The following MYH7B variants were observed in gnomAD, a reference collection of about 807,000 sequenced individuals.
MYH7B encodes myosin heavy chain 7B.
Under a neutral mutation model 234.5 loss-of-function variants are expected in MYH7B, and 205 were observed. That is an observed-to-expected ratio of 0.87 (90% CI 0.78 to 0.98). The LOEUF is 0.98. Among genes scored for constraint, MYH7B ranks in the 50% least tolerant of loss-of-function variants. MYH7B has a pLI of 0.00. For synonymous variants in MYH7B, 1,193 were observed against 1,105.0 expected (o/e 1.08, Z -1.58); for missense variants, 2,652 against 2,633.4 (o/e 1.01, Z -0.15).
intron 2 of MYH7B, among the ~76,000 whole-genome samples, chr20:34,962,490 A>G (rs1046722669): frequency 2.0e-5 from 3 of 152,164 alleles, no homozygotes. Context: ...ACATCCAAGG[A>G]TACTTAAGTC....
chr20:34,986,927 T>C (rs759530920), exon 15 of MYH7B: 2 of 1,613,998 alleles, frequency 1.2e-6, no homozygotes, highest in Admixed American at 1.7e-5. Context: ...CTACCACTTC[T>C]GCAGCCAGGG....
intron 3 of MYH7B, 131 bp from the exon 4 acceptor site, chr20:34,977,498 GGGA>G: frequency 1.3e-6 from 1 of 761,136 alleles, no homozygotes; most frequent in South Asian, 1.7e-5. Context: ...CCCTGACAAT[GGGA>G]GGTAAAAATA....
At chr20:34,994,424 A>G in intron 27 of MYH7B, 23 bp downstream of exon 27, 1 of 1,547,354 alleles carries the variant, frequency 6.5e-7, no homozygotes, top group Non-Finnish European at 8.7e-7. Flanking sequence ...TCCCCTTGTG[A>G]CCGGGCGTCC....
chr20:34,977,738 G>GGGGGGGGGGGGGGA, intron 4 of MYH7B, 58 bp downstream of exon 4: 1 of 317,154 alleles, frequency 3.2e-6, no homozygotes, highest in Non-Finnish European at 5.9e-6. Context: ...GGGCGGGTGG[G>GGGGGGGGGGGGGGA]TGAGGGTGCC....
At chr20:35,000,483 A>G (rs868788261) in exon 39 of MYH7B, 7 of 1,600,966 alleles carry the variant, frequency 4.4e-6, no homozygotes, top group Non-Finnish European at 5.9e-6. Context: ...GGCACAGCTC[A>G]AGGAGGAGCA....
chr20:34,992,295 A>G (rs1018841756), intron 24 of MYH7B, among the ~76,000 whole-genome samples: 41 of 150,652 alleles, frequency 2.7e-4, no homozygotes, highest in African/African-American at 1.0e-3. Flanking sequence ...CTGAGGCAGG[A>G]GAATGGCCTG....
In MYH7B at chr20:34,987,930, CA is replaced by C. The variant is rs1373137558; in HGVS notation, c.1416+17del. 3.2e-6 allele frequency: 5 copies of C among 1,576,636 alleles called. No homozygotes were observed. The African/African-American group carries it at 6.7e-5, about 21-fold the overall frequency. On this transcript the variant is annotated intron_variant, in intron 18 of 44. Transcript: ENST00000262873. Reference sequence around the variant, plus strand: ...GATCTTTGAGGTGAGGACAGGCCCTCACCTTGGCCTCTGTTCTCTCCAAGGT... The same window carrying C: ...GATCTTTGAGGTGAGGACAGGCCCTCCCTTGGCCTCTGTTCTCTCCAAGGT...
At chr20:34,984,040 C>A (rs913491909) in intron 10 of MYH7B, among the ~76,000 whole-genome samples, 1 of 152,220 alleles carries the variant, frequency 6.6e-6, no homozygotes, top group Non-Finnish European at 1.5e-5. Flanking sequence ...GTCCAGGCGG[C>A]AGGATGCTGG....
In MYH7B at chr20:34,995,321, C is replaced by T; in HGVS notation, c.2701-15C>T. The T allele has an allele frequency of 6.2e-7, 1 of 1,609,044 alleles. No individual in the cohort carries two copies. Among genetic ancestry groups the T allele is most frequent in the Non-Finnish European group, 8.5e-7 (1 of 1,177,372 alleles). ...GGCCCTCCCCCAACCTGGCCCCGTT[C>T]CGTGTGCCCTCCAGGAGCAGGACAA... On this transcript the variant is annotated splice_polypyrimidine_tract_variant and intron_variant, in intron 27 of 44. Coordinates refer to ENST00000262873, the Ensembl canonical transcript of MYH7B.
At chr20:34,966,671 C>T (rs372211236) in intron 2 of MYH7B, among the ~76,000 whole-genome samples, 5 of 151,976 alleles carry the variant, frequency 3.3e-5, no homozygotes, top group South Asian at 2.1e-4. Context: ...TGAATAAGAT[C>T]GGTACATTAT....
chr20:34,978,704 G>A (rs6060140), intron 5 of MYH7B, among the ~76,000 whole-genome samples: 95,009 of 151,518 alleles, frequency 0.63, 31,497 homozygotes, highest in African/African-American at 0.85. Flanking sequence ...TGTTTGATTC[G>A]ACACTCTGCT....
intron 7 of MYH7B, 57 bp downstream of exon 7, chr20:34,979,861 G>C (rs1453062526): frequency 6.3e-7 from 1 of 1,577,198 alleles, no homozygotes; most frequent in African/African-American, 1.3e-5. Context: ...GGCGGGGCTA[G>C]AGATGAGGTG....
chr20:34,993,145 A>G (rs1475518256), exon 25 of MYH7B: 1 of 1,613,880 alleles, frequency 6.2e-7, no homozygotes, highest in Non-Finnish European at 8.5e-7. Flanking sequence ...TGACACCTTC[A>G]TGGACAGCAG....
In MYH7B at chr20:34,998,886, C is replaced by T. The variant is rs757821710; in HGVS notation, c.4161C>T (p.Ile1387=). Reference sequence around the variant, plus strand: ...GGAGCAAGTACGAAGCAGATGCCATCCAGAGGACCGAGGAGCTGGAGGAGG... The same window carrying T: ...GGAGCAAGTACGAAGCAGATGCCATTCAGAGGACCGAGGAGCTGGAGGAGG... The change falls in exon 35 of 45, where the codon ATC becomes ATT. Residue 1387 remains isoleucine, a synonymous_variant. Transcript: ENST00000262873. 66 of 1,612,910 alleles carry T rather than the reference C, an allele frequency of 4.1e-5. No individual in the cohort carries two copies. In the Admixed American group the frequency reaches 1.1e-3, roughly 26 times the overall value.
At chr20:34,990,407 G>A (rs1330586823) in intron 22 of MYH7B, 97 bp downstream of exon 22, 1 of 1,311,910 alleles carries the variant, frequency 7.6e-7, no homozygotes, top group East Asian at 2.3e-5. Context: ...GCGGGCGGCT[G>A]TTAAGACTTG....
At chr20:34,976,502 G>A (rs899240711) in intron 3 of MYH7B, among the ~76,000 whole-genome samples, 1 of 152,236 alleles carries the variant, frequency 6.6e-6, no homozygotes, top group South Asian at 2.1e-4. Context: ...AGGAGAGCCT[G>A]GAGGTGCCCT....
intron 38 of MYH7B, 51 bp from the exon 39 acceptor site, chr20:35,000,242 G>T: frequency 6.6e-7 from 1 of 1,511,932 alleles, no homozygotes; most frequent in South Asian, 1.3e-5. Flanking sequence ...GCATTTGTAA[G>T]GACAGGTATG....
chr20:34,989,724 C>T lies in MYH7B; in HGVS notation c.1588-16C>T, dbSNP rs2082103644. The T allele has an allele frequency of 6.2e-7, 1 of 1,610,584 alleles. No homozygotes were observed. The highest frequency in any genetic ancestry group is 1.3e-5 in the African/African-American group (1 of 74,888). ...ACTGGCTTGATGGTGGCTTTTCAAG[C>T]TCGTTCTGTTCCCAGCCACTGGGCA... On this transcript the variant is annotated splice_polypyrimidine_tract_variant and intron_variant, in intron 19 of 44. Transcript: ENST00000262873.
intron 8 of MYH7B, 64 bp from the exon 9 acceptor site, chr20:34,980,969 G>GTGT (rs2081933580): frequency 3.7e-6 from 6 of 1,608,044 alleles, no homozygotes; most frequent in Non-Finnish European, 5.1e-6. Flanking sequence ...GATACCCAGG[G>GTGT]TGTTCCACCT....
Sources: gnomAD v4.1 joint callset for allele counts (sites outside exome capture counted in the v4.1 genomes callset) on GRCh38, gnomAD v4.1.1 for gene constraint, MANE v1.5 for transcripts, NCBI Gene and HGNC (gene_info 2026-07-23, HGNC 2026-07-21) for gene names.